Variants in CIDEC observed in about 807,000 individuals in gnomAD.
CIDEC encodes lipid transferase CIDEC.
A neutral mutation model predicts 21.9 loss-of-function variants in CIDEC; 11 were observed. The ratio of observed to expected loss-of-function variants is 0.50; its 90% confidence interval spans 0.32 to 0.83. The LOEUF (loss-of-function observed/expected upper bound fraction) is 0.83, where lower values mean the gene tolerates loss of function less well. Ranked by LOEUF, CIDEC falls within the 40% of genes least tolerant of loss-of-function variation. The pLI is 0.04. For missense variants in CIDEC, 302 were observed against 302.3 expected (o/e 1.00, Z 0.01); for synonymous variants, 127 against 124.9 (o/e 1.02, Z -0.11).
At chr3:9,875,376 C>CAAAAAAAAA (rs34070196) in intron 4 of CIDEC, among the ~76,000 whole-genome samples, 3 of 116,866 alleles carry the variant, frequency 2.6e-5, no homozygotes, top group Non-Finnish European at 5.1e-5. Context: ...GACTCTGTCT[C>CAAAAAAAAA]AAAAAAAAAA....
Position 9,866,827 on chromosome 3 carries a change from C to T in CIDEC, c.*307G>A, listed in dbSNP as rs1221839662. 9 of 590,428 alleles carry T rather than the reference C, an allele frequency of 1.5e-5. No individual in the cohort carries two copies. Among genetic ancestry groups the T allele is most frequent in the Non-Finnish European group, 2.1e-5 (7 of 330,826 alleles). 36.6% of individuals were successfully genotyped at this position (590,428 alleles called of 1,614,324 possible). A position where few individuals can be genotyped will look rare whatever the true frequency, so the allele number is the denominator to read the frequency against. ...GAAGGTAGAGAGCACCATGAAAGTACAGCCTGCGAGGCCAGATTGCTAAGG... is the reference window on the plus strand; with the variant it reads ...GAAGGTAGAGAGCACCATGAAAGTATAGCCTGCGAGGCCAGATTGCTAAGG... On this transcript the variant is annotated 3_prime_UTR_variant, in exon 7 of 7. Coordinates refer to ENST00000336832, the MANE Select transcript of CIDEC (RefSeq NM_001321142.2).
At chr3:9,869,712 G>A (rs572011677) in intron 6 of CIDEC, among the ~76,000 whole-genome samples, 170 bp downstream of exon 6, 55 of 152,320 alleles carry the variant, frequency 3.6e-4, no homozygotes, top group African/African-American at 1.2e-3. Context: ...CGCCGGTGTC[G>A]TCCACAGCAC....
rs562320960 is a variant in CIDEC at position 9,867,203 on chromosome 3, C to A, written c.648G>T (p.Thr216=). The change falls in exon 7 of 7, where the codon ACG becomes ACT. Residue 216 remains threonine (T), a synonymous_variant. Transcript: ENST00000336832. ...SCYLQQLLDA[T]EEGQPPKGKA... is the part of the protein sequence containing the mutation. ...TGCCCTTGGGGGGCTGCCCTTCCTC[C>A]GTAGCATCGAGGAGCTGCTGCAGGT... The A allele has an allele frequency of 1.2e-6, 2 of 1,613,946 alleles. No individual in the cohort carries two copies. The highest frequency in any genetic ancestry group is 1.3e-5 in the African/African-American group (1 of 74,946).
Position 9,868,979 on chromosome 3 carries a change from G to A in CIDEC, c.554+903C>T, listed in dbSNP as rs1204223748. On this transcript the variant is annotated intron_variant, in intron 6 of 6. Transcript: ENST00000336832. The stretch of plus-strand genomic sequence containing the variant: ...TACTACCACTGCCAGCATTTTGTGT[G>A]TGTGTGTGTGTGCGCACACACGGGC... Among the ~76,000 whole-genome samples the A allele has an allele frequency of 3.9e-5, 6 of 152,194 alleles. No individual in the cohort carries two copies. In the East Asian group the frequency reaches 1.2e-3, roughly 30 times the overall value.
At chr3:9,868,265 A>G (rs1440942024) in intron 6 of CIDEC, among the ~76,000 whole-genome samples, 1 of 152,206 alleles carries the variant, frequency 6.6e-6, no homozygotes, top group African/African-American at 2.4e-5. Context: ...GACCAACCAG[A>G]TTAATCTCCA....
rs955651490 is a variant in CIDEC, at chr3:9,866,849, A to G, written c.*285T>C. On this transcript the variant is annotated 3_prime_UTR_variant, in exon 7 of 7. Coordinates refer to ENST00000336832, the MANE Select transcript of CIDEC (RefSeq NM_001321142.2). ...GTACAGCCTGCGAGGCCAGATTGCT[A>G]AGGGGCAGACTTCATGCCAATGGAG... is the stretch of plus-strand genomic sequence containing the variant. 6.8e-5 allele frequency: 41 copies of G among 598,630 alleles called. No homozygotes were observed. The highest frequency in any genetic ancestry group is 4.4e-4 in the Middle Eastern group (1 of 2,268). The allele number at this position is 598,630 out of a possible 1,614,324, so 37.1% of individuals were successfully genotyped here.
chr3:9,869,920 G>A lies in CIDEC; in HGVS notation c.516C>T (p.Ser172=), dbSNP rs377189766. The A allele has an allele frequency of 1.1e-5, 17 of 1,613,752 alleles. 1 individual carries two copies. In the South Asian group the frequency reaches 1.3e-4, roughly 13 times the overall value. Residue 172 remains serine (S), a synonymous_variant, in exon 6 of 7, where the codon TCC becomes TCT. Coordinates refer to ENST00000336832, the MANE Select transcript of CIDEC (RefSeq NM_001321142.2). ...KATFYDTYSL[S]YDLHCCGAKR... ...TGGCCCCACAGCAGTGCAGATCATA[G>A]GAAAGGGAGTATGTATCATAAAAAG...
chr3:9,869,769 T>C lies in CIDEC; in HGVS notation c.554+113A>G. ...GTGTTGTCTGATACAGGCTATGCTT[T>C]GTCAGCACCAAAGCCAGACCCAGGC... On this transcript the variant is annotated intron_variant, in intron 6 of 6. Coordinates refer to ENST00000336832, the MANE Select transcript of CIDEC (RefSeq NM_001321142.2). The C allele has an allele frequency of 3.1e-6, 3 of 964,264 alleles. No individual in the cohort carries two copies. In the East Asian group the frequency reaches 7.7e-5, roughly 25 times the overall value. 59.7% of individuals were successfully genotyped at this position (964,264 alleles called of 1,614,324 possible). A position where few individuals can be genotyped will look rare whatever the true frequency, so the allele number is the denominator to read the frequency against.
In CIDEC at chr3:9,879,009, C is replaced by G. The variant is rs1204770923; in HGVS notation, c.-93G>C. 3.3e-6 allele frequency: 2 copies of G among 613,628 alleles called. No homozygotes were observed. The highest frequency in any genetic ancestry group is 5.8e-6 in the Non-Finnish European group (2 of 342,514). 38.0% of individuals were successfully genotyped at this position (613,628 alleles called of 1,614,324 possible). A position where few individuals can be genotyped will look rare whatever the true frequency, so the allele number is the denominator to read the frequency against. On this transcript the variant is annotated 5_prime_UTR_variant, in exon 2 of 7. Coordinates refer to ENST00000336832, the MANE Select transcript of CIDEC (RefSeq NM_001321142.2). ...CTCCTCTCTCCCATGGGTCCTTGAG[C>G]AATCCGAGCCCCTTCCTGAGGCTTC...
intron 4 of CIDEC, among the ~76,000 whole-genome samples, chr3:9,873,061 TTTTG>T (rs563458059): frequency 5.3e-5 from 8 of 151,928 alleles, no homozygotes; most frequent in South Asian, 2.1e-4. Flanking sequence ...TTTGTTTTGG[TTTTG>T]TTTGTTTTGG....
At chr3:9,878,566 T>C in intron 2 of CIDEC, 55 bp from the exon 3 acceptor site, 1 of 1,498,902 alleles carries the variant, frequency 6.7e-7, no homozygotes, top group African/African-American at 1.4e-5. Flanking sequence ...TTCCCATCTC[T>C]CTCATTGTTA....
Position 9,875,368 on chromosome 3 carries a change from C to G in CIDEC, c.207+1698G>C, listed in dbSNP as rs191402303. Among the ~76,000 whole-genome samples, 423 of 124,008 alleles carry G rather than the reference C, an allele frequency of 3.4e-3. 1 individual carries two copies. Among genetic ancestry groups the G allele is most frequent in the African/African-American group, 0.012 (405 of 34,172 alleles). The allele number at this position is 124,008 out of a possible 152,430, so 81.4% of individuals were successfully genotyped here. On this transcript the variant is annotated intron_variant, in intron 4 of 6. Transcript: ENST00000336832. ...CTCCAGCGTGGGCGACAAAGCGAGA[C>G]TCTGTCTCAAAAAAAAAAAAAAAAA...
intron 4 of CIDEC, chr3:9,870,582 GT>G (rs1244571240): frequency 1.9e-6 from 2 of 1,058,854 alleles, no homozygotes; most frequent in Non-Finnish European, 2.7e-6. Context: ...ACAATTCAGG[GT>G]TTTTTAGTAT....
rs1010579047 is a variant in CIDEC, at chr3:9,874,499, G to A, written c.207+2567C>T. ...TCACTGCATTCTAGCCGGGGCAATG[G>A]AGCGAGACCCTTTCTCTAAAATAAT... On this transcript the variant is annotated intron_variant, in intron 4 of 6. Coordinates refer to ENST00000336832, the MANE Select transcript of CIDEC (RefSeq NM_001321142.2). Among the ~76,000 whole-genome samples, 6 of 148,404 alleles carry A rather than the reference G, an allele frequency of 4.0e-5. No homozygotes were observed. In the East Asian group the frequency reaches 9.9e-4, roughly 24 times the overall value.
chr3:9,874,690 C>G (rs1659234725), intron 4 of CIDEC, among the ~76,000 whole-genome samples: 1 of 152,030 alleles, frequency 6.6e-6, no homozygotes, highest in African/African-American at 2.4e-5. Context: ...ATAATCAAAA[C>G]AGTAAGGTGA....
chr3:9,877,486 AC>A (rs1359892304), intron 3 of CIDEC, among the ~76,000 whole-genome samples: 1 of 152,004 alleles, frequency 6.6e-6, no homozygotes, highest in Non-Finnish European at 1.5e-5. Context: ...ATGGTGAAAC[AC>A]CATCTCTACT....
At chr3:9,870,474 T>A in intron 4 of CIDEC, 152 bp from the exon 5 acceptor site, 3 of 1,535,270 alleles carry the variant, frequency 2.0e-6, no homozygotes, top group Non-Finnish European at 1.7e-6. Context: ...GGGTTCCTAG[T>A]CTAGAATAAT....
Position 9,875,376 on chromosome 3 carries a change from C to CAAA in CIDEC, c.207+1687_207+1689dup, listed in dbSNP as rs34070196. 2.9e-4 allele frequency among the ~76,000 whole-genome samples: 34 copies of CAAA among 116,758 alleles called. 1 individual carries two copies. The highest frequency in any genetic ancestry group is 4.7e-4 in the Non-Finnish European group (28 of 58,958). The allele number at this position is 116,758 out of a possible 152,430, so 76.6% of individuals were successfully genotyped here. On this transcript the variant is annotated intron_variant, in intron 4 of 6. Coordinates refer to ENST00000336832, the MANE Select transcript of CIDEC (RefSeq NM_001321142.2). The stretch of plus-strand genomic sequence containing the variant: ...TGGGCGACAAAGCGAGACTCTGTCT[C>CAAA]AAAAAAAAAAAAAAAAAGAAAAAAG...
At chr3:9,867,403 T>TG (rs1332631152) in intron 6 of CIDEC, 107 bp from the exon 7 acceptor site, 1 of 1,160,394 alleles carries the variant, frequency 8.6e-7, no homozygotes, top group Non-Finnish European at 1.3e-6. Context: ...GCGGGTAACC[T>TG]GAGGTCAGGA....
Sources: allele counts gnomAD v4.1 joint callset (sites outside exome capture counted in the v4.1 genomes callset), GRCh38; gene constraint gnomAD v4.1.1; transcripts MANE v1.5; gene names NCBI Gene and HGNC (gene_info 2026-07-23, HGNC 2026-07-21).